The following DDX60L variants were observed in gnomAD, a reference collection of about 807,000 sequenced individuals.
DDX60L encodes the protein DExD/H-box 60 like.
A neutral mutation model predicts 211.6 loss-of-function variants in DDX60L; 191 were observed. The ratio of observed to expected loss-of-function variants is 0.90; its 90% CI spans 0.80 to 1.02. DDX60L has a LOEUF of 1.02. Among genes scored for constraint, DDX60L ranks in the 50% least tolerant of loss-of-function variants. The pLI is 0.00. For synonymous variants in DDX60L, 706 were observed against 694.1 expected, an observed-to-expected ratio of 1.02 and a Z score of -0.27; for missense variants, 2,007 against 1,984.1, an observed-to-expected ratio of 1.01 and a Z score of -0.22.
At chr4:168,456,334 A>G (rs1241165010) in intron 6 of DDX60L, among the ~76,000 whole-genome samples, 182 bp from the exon 7 acceptor site, 2 of 152,214 alleles carry the variant, frequency 1.3e-5, no homozygotes, top group Admixed American at 6.5e-5. Flanking sequence ...AAATAATTAC[A>G]ACCAATATGC....
chr4:168,360,500 T>G (rs1738920542), intron 37 of DDX60L, among the ~76,000 whole-genome samples: 1 of 151,196 alleles, frequency 6.6e-6, no homozygotes, highest in African/African-American at 2.5e-5. Flanking sequence ...AACAAGGAAC[T>G]CTAAATAAAT....
At chr4:168,360,074 G>A (rs967046866) in intron 37 of DDX60L, among the ~76,000 whole-genome samples, 16 of 151,976 alleles carry the variant, frequency 1.1e-4, no homozygotes, top group African/African-American at 3.4e-4. Context: ...TGCTTTTTCC[G>A]ATTATAGTAG....
At chr4:168,396,441 G>C (rs1300748635) in intron 26 of DDX60L, among the ~76,000 whole-genome samples, 1 of 152,118 alleles carries the variant, frequency 6.6e-6, no homozygotes, top group Non-Finnish European at 1.5e-5. Flanking sequence ...CCAGAGCACA[G>C]TGGAAAAGCA....
At chr4:168,411,765 A>G (rs910528846) in intron 22 of DDX60L, among the ~76,000 whole-genome samples, 1 of 151,972 alleles carries the variant, frequency 6.6e-6, no homozygotes, top group Non-Finnish European at 1.5e-5. Context: ...AGCTGAGGAG[A>G]GCTAGGGAGT....
At chr4:168,360,692 T>A (rs928604172) in intron 37 of DDX60L, among the ~76,000 whole-genome samples, 1 of 152,186 alleles carries the variant, frequency 6.6e-6, no homozygotes, top group Non-Finnish European at 1.5e-5. Context: ...CAGATGAACA[T>A]AGGAAATCAA....
chr4:168,373,408 C>T (rs1394362342), intron 35 of DDX60L, among the ~76,000 whole-genome samples: 3 of 151,996 alleles, frequency 2.0e-5, no homozygotes, highest in Admixed American at 6.6e-5. Context: ...CACAGCAAAC[C>T]TGTGGCAAAC....
intron 13 of DDX60L, among the ~76,000 whole-genome samples, chr4:168,429,224 A>G (rs986648918): frequency 6.6e-6 from 1 of 152,086 alleles, no homozygotes; most frequent in Non-Finnish European, 1.5e-5. Flanking sequence ...GGCTCACTGC[A>G]ACCTCCACCT....
chr4:168,370,652 T>A (rs1441726768), intron 36 of DDX60L, among the ~76,000 whole-genome samples: 2 of 152,206 alleles, frequency 1.3e-5, no homozygotes, highest in African/African-American at 4.8e-5. Context: ...CCTGATTTGA[T>A]CATTATGCAA....
At chr4:168,359,766 T>C (rs1176281365) in intron 37 of DDX60L, among the ~76,000 whole-genome samples, 1 of 152,162 alleles carries the variant, frequency 6.6e-6, no homozygotes, top group Admixed American at 6.5e-5. Flanking sequence ...CCTTCGCATA[T>C]ACAACCAAAT....
intron 29 of DDX60L, chr4:168,390,027 G>C (rs1244669600): frequency 2.3e-6 from 1 of 440,504 alleles, no homozygotes; most frequent in African/African-American, 2.1e-5. Context: ...GGTGGTTGTT[G>C]AGGGATGTAA....
In DDX60L at chr4:168,358,148, T is replaced by C. The variant is rs762213070; in HGVS notation, c.5120A>G (p.Ter1707=). ...QIQMSQNHLE[*] ...CAGACTTGAAAGTTTTCCATGGTGT[T>C]ATTCTAAATGATTTTGACTCATTTG... The change falls in exon 38 of 38, where the codon TAA becomes TGA. Residue 1707 remains the stop codon, a stop_retained_variant. Coordinates refer to ENST00000682922, the MANE Select transcript of DDX60L (RefSeq NM_001012967.3). 6 of 1,608,902 alleles carry C rather than the reference T, an allele frequency of 3.7e-6. No homozygotes were observed. In the East Asian group the frequency reaches 1.3e-4, roughly 36 times the overall value.
intron 29 of DDX60L, among the ~76,000 whole-genome samples, chr4:168,388,128 C>T (rs975609612): frequency 1.3e-5 from 2 of 152,198 alleles, no homozygotes; most frequent in African/African-American, 4.8e-5. Context: ...GATACAAATT[C>T]CTTAATGGAA....
chr4:168,420,678 TAGATAGAC>T (rs1414772074), intron 17 of DDX60L, among the ~76,000 whole-genome samples: 10,375 of 102,504 alleles, frequency 0.1, 518 homozygotes, highest in African/African-American at 0.17. Flanking sequence ...GATAGATAGA[TAGATAGAC>T]AGACAGACAG....
chr4:168,404,144 A>AG, intron 24 of DDX60L, 38 bp from the exon 25 acceptor site: 3 of 1,152,018 alleles, frequency 2.6e-6, no homozygotes, highest in Non-Finnish European at 2.3e-6. Context: ...AAAAAAAAAA[A>AG]GAATTTGTGG....
chr4:168,468,531 A>G (rs1758325513), intron 4 of DDX60L, among the ~76,000 whole-genome samples: 1 of 152,204 alleles, frequency 6.6e-6, no homozygotes, highest in Admixed American at 6.5e-5. Context: ...ACTACAGCTA[A>G]TATGATACCT....
At chr4:168,450,649 C>A (rs75752164) in intron 8 of DDX60L, among the ~76,000 whole-genome samples, 4,112 of 152,296 alleles carry the variant, frequency 0.027, 186 homozygotes, top group African/African-American at 0.091. Context: ...GGTACCATGG[C>A]TTATGCCTAT....
intron 33 of DDX60L, 44 bp downstream of exon 33, chr4:168,378,310 A>G: frequency 8.6e-7 from 1 of 1,157,394 alleles, no homozygotes. Context: ...GCATACATTT[A>G]ATAACTATCA....
At chr4:168,427,364 T>C (rs541206478) in intron 13 of DDX60L, 42 bp from the exon 14 acceptor site, 1 of 1,584,130 alleles carries the variant, frequency 6.3e-7, no homozygotes, top group South Asian at 1.2e-5. Flanking sequence ...AGTGGGAAAA[T>C]TCCATTATGA....
At chr4:168,386,844 T>C (rs1043937709) in intron 29 of DDX60L, among the ~76,000 whole-genome samples, 6 of 152,056 alleles carry the variant, frequency 3.9e-5, no homozygotes, top group African/African-American at 1.4e-4. Context: ...TTAGAAACAG[T>C]AAGAAGATTA....
Sources: allele counts gnomAD v4.1 joint callset (sites outside exome capture counted in the v4.1 genomes callset), GRCh38; gene constraint gnomAD v4.1.1; transcripts MANE v1.5; gene names NCBI Gene and HGNC (gene_info 2026-07-23, HGNC 2026-07-21).